Variants in MYO16 observed in about 807,000 individuals in gnomAD.
MYO16 encodes the protein unconventional myosin-XVI.
A neutral mutation model predicts 205.3 loss-of-function variants in MYO16; 94 were observed. The ratio of observed to expected loss-of-function variants is 0.46; its 90% CI spans 0.39 to 0.54. The LOEUF (loss-of-function observed/expected upper bound fraction) is 0.54, where lower values mean the gene tolerates loss of function less well. Among genes scored for constraint, MYO16 ranks in the 20% least tolerant of loss-of-function variants. The pLI is 0.00. For missense variants in MYO16, 2,315 were observed against 2,387.5 expected, an observed-to-expected ratio of 0.97 and a Z score of 0.63; for synonymous variants, 988 against 954.0, an observed-to-expected ratio of 1.04 and a Z score of -0.66.
rs1412050482 is a variant in MYO16, at chr13:108,964,913, A to G, written c.2369+11A>G. On this transcript the variant is annotated intron_variant, in intron 20 of 34. Coordinates refer to ENST00000457511, the MANE Select transcript of MYO16 (RefSeq NM_001198950.3). The stretch of plus-strand genomic sequence containing the variant: ...AGATGAACAGAAAAGGTAGGAGTTG[A>G]TGGATGTTCGGTTCTGTTGTCATTA... 1.2e-6 allele frequency: 2 copies of G among 1,607,186 alleles called. No homozygotes were observed. Among genetic ancestry groups the G allele is most frequent in the East Asian group, 2.3e-5 (1 of 44,220 alleles).
At chr13:108,798,168 C>T (rs1334971062) in intron 6 of MYO16, among the ~76,000 whole-genome samples, 2 of 152,056 alleles carry the variant, frequency 1.3e-5, no homozygotes, top group Non-Finnish European at 2.9e-5. Flanking sequence ...ACTGTCATTT[C>T]CTTGTGTTTT....
At chr13:108,817,610 A>G (rs993113189) in intron 7 of MYO16, among the ~76,000 whole-genome samples, 2 of 152,196 alleles carry the variant, frequency 1.3e-5, no homozygotes, top group Non-Finnish European at 2.9e-5. Flanking sequence ...CCCAAATTTT[A>G]TAACTGTGCG....
At chr13:108,799,882 G>C (rs1040087279) in intron 6 of MYO16, among the ~76,000 whole-genome samples, 1 of 152,184 alleles carries the variant, frequency 6.6e-6, no homozygotes, top group Admixed American at 6.5e-5. Flanking sequence ...AAGAAGGGAG[G>C]AGGGAGCAGA....
intron 31 of MYO16, among the ~76,000 whole-genome samples, chr13:109,128,453 T>A (rs1049327487): frequency 3.3e-5 from 5 of 152,138 alleles, no homozygotes; most frequent in African/African-American, 1.2e-4. Context: ...GAAACACAGT[T>A]CCTTCAGTAA....
chr13:109,085,647 T>C (rs1041759729), intron 27 of MYO16, among the ~76,000 whole-genome samples: 16 of 152,222 alleles, frequency 1.1e-4, no homozygotes, highest in Admixed American at 9.8e-4. Flanking sequence ...TCCTAAATGA[T>C]AGTTTTAACC....
chr13:108,728,859 C>A (rs67902438), intron 4 of MYO16, among the ~76,000 whole-genome samples: 27,760 of 152,120 alleles, frequency 0.18, 2,630 homozygotes, highest in Middle Eastern at 0.31. Context: ...CTCTTCCCCC[C>A]CTCTTAAAAT....
intron 14 of MYO16, among the ~76,000 whole-genome samples, chr13:108,895,210 A>G (rs921987703): frequency 1.4e-4 from 14 of 97,880 alleles, no homozygotes; most frequent in Middle Eastern, 4.5e-3. Flanking sequence ...TTATAAATAC[A>G]AAAAAAAAGT....
At chr13:108,977,208 G>C (rs936313621) in intron 20 of MYO16, among the ~76,000 whole-genome samples, 9 of 152,112 alleles carry the variant, frequency 5.9e-5, no homozygotes, top group African/African-American at 2.2e-4. Context: ...TCAAGACCTA[G>C]TTTATTCTTT....
At chr13:108,880,702 A>G (rs111847277) in intron 12 of MYO16, among the ~76,000 whole-genome samples, 3 of 152,060 alleles carry the variant, frequency 2.0e-5, no homozygotes, top group Admixed American at 6.6e-5. Context: ...CGGGGGCTCT[A>G]TTCTGTTCCA....
At chr13:108,644,336 T>A (rs902345080) in intron 1 of MYO16, among the ~76,000 whole-genome samples, 1 of 149,778 alleles carries the variant, frequency 6.7e-6, no homozygotes, top group Non-Finnish European at 1.5e-5. Context: ...GTTGGAGCAT[T>A]TATTCTACCA....
intron 31 of MYO16, among the ~76,000 whole-genome samples, chr13:109,128,206 G>A (rs1876358685): frequency 1.3e-5 from 2 of 152,186 alleles, no homozygotes; most frequent in Admixed American, 6.5e-5. Context: ...TTGATCACCC[G>A]CTATGCATCA....
At chr13:108,972,952 A>G (rs1884111106) in intron 20 of MYO16, among the ~76,000 whole-genome samples, 1 of 152,072 alleles carries the variant, frequency 6.6e-6, no homozygotes, top group African/African-American at 2.4e-5. Flanking sequence ...GCCTGAACGA[A>G]GGAACTGGCA....
intron 9 of MYO16, among the ~76,000 whole-genome samples, chr13:108,838,820 G>T (rs1877086624): frequency 6.6e-6 from 1 of 151,078 alleles, no homozygotes; most frequent in Non-Finnish European, 1.5e-5. Flanking sequence ...ATACGTGAAG[G>T]GGTTTTATTT....
At chr13:109,008,284 C>G (rs1390854652) in intron 21 of MYO16, among the ~76,000 whole-genome samples, 1 of 152,150 alleles carries the variant, frequency 6.6e-6, no homozygotes, top group African/African-American at 2.4e-5. Context: ...ATATGCACTG[C>G]TGTACTATCT....
At chr13:108,816,806 G>A (rs561807539) in intron 7 of MYO16, among the ~76,000 whole-genome samples, 6 of 152,198 alleles carry the variant, frequency 3.9e-5, no homozygotes, top group East Asian at 3.9e-4. Flanking sequence ...CTCTCCAGTC[G>A]CTGATTTCCC....
At chr13:108,639,141 C>A (rs1382587080) in intron 1 of MYO16, among the ~76,000 whole-genome samples, 2 of 152,114 alleles carry the variant, frequency 1.3e-5, no homozygotes, top group African/African-American at 4.8e-5. Context: ...CATTTTAGAT[C>A]TGTCATTCTG....
intron 16 of MYO16, among the ~76,000 whole-genome samples, chr13:108,927,404 G>C (rs550024552): frequency 3.3e-5 from 5 of 151,870 alleles, no homozygotes; most frequent in African/African-American, 4.8e-5. Context: ...TGGTATAATG[G>C]GCCTGGGGCA....
At chr13:108,525,932 C>T in the MYO16 span, among the ~76,000 whole-genome samples, 1 of 124,898 alleles carries the variant, frequency 8.0e-6, no homozygotes, top group African/African-American at 3.0e-5. Context: ...CTTCATCTTC[C>T]TAGGTCTGAT....
At chr13:108,612,169 A>G (rs898882697) in intron 1 of MYO16, among the ~76,000 whole-genome samples, 1 of 151,416 alleles carries the variant, frequency 6.6e-6, no homozygotes, top group Non-Finnish European at 1.5e-5. Context: ...CATTTAGTTG[A>G]CTCTTCTGCA....
Sources: gnomAD v4.1 joint callset for allele counts (sites outside exome capture counted in the v4.1 genomes callset) on GRCh38, gnomAD v4.1.1 for gene constraint, MANE v1.5 for transcripts, NCBI Gene and HGNC (gene_info 2026-07-23, HGNC 2026-07-21) for gene names.